BCL6: variants seen among roughly 807,000 people sequenced by gnomAD.
The protein encoded by BCL6 is BCL6 transcription repressor, also known as B-cell lymphoma 6 protein.
BCL6 carries 7 observed loss-of-function variants against 59.5 expected under a neutral mutation model. That is an observed-to-expected ratio of 0.12 (90% CI 0.07 to 0.22). The LOEUF is 0.22. BCL6 is among the 10% of genes least tolerant of loss of function. The pLI is 1.00. For synonymous variants in BCL6, 339 were observed against 349.7 expected, an observed-to-expected ratio of 0.97 and a Z score of 0.34; for missense variants, 685 against 939.4, an observed-to-expected ratio of 0.73 and a Z score of 3.54.
chr3:187,741,580 G>T (rs1271353088), intron 1 of BCL6, among the ~76,000 whole-genome samples: 1 of 152,116 alleles, frequency 6.6e-6, no homozygotes, highest in Non-Finnish European at 1.5e-5. Context: ...GCCGTTCCTG[G>T]TTTCCACTGG....
At chr3:187,744,281 C>T (rs1324808961) in intron 1 of BCL6, among the ~76,000 whole-genome samples, 1 of 152,162 alleles carries the variant, frequency 6.6e-6, no homozygotes, top group African/African-American at 2.4e-5. Flanking sequence ...TGAGTCCCCC[C>T]GCACACTGAA....
At position 187,727,019 on chromosome 3, in the gene BCL6, C is replaced by A. The variant is rs1718740276; in HGVS notation, c.1541-121G>T. The A allele has an allele frequency of 3.6e-6, 4 of 1,125,002 alleles. No homozygotes were observed. The South Asian group carries it at 4.5e-5, about 13-fold the overall frequency. The allele number at this position is 1,125,002 out of a possible 1,614,324, so 69.7% of individuals were successfully genotyped here. ...CTGAACTCTCAGTCCCTCACTCACCCACCCGACATTCATGGGAGCTCGGAG... is the reference window on the plus strand; with the variant it reads ...CTGAACTCTCAGTCCCTCACTCACCAACCCGACATTCATGGGAGCTCGGAG... On this transcript the variant is annotated intron_variant, in intron 6 of 9. Transcript: ENST00000406870.
intron 1 of BCL6, among the ~76,000 whole-genome samples, chr3:187,744,261 C>A (rs1711761322): frequency 6.6e-6 from 1 of 152,150 alleles, no homozygotes; most frequent in Non-Finnish European, 1.5e-5. Context: ...GCTGTCCTGT[C>A]GAGGTTCCCT....
chr3:187,740,059 G>C (rs1242915091), intron 1 of BCL6, among the ~76,000 whole-genome samples: 1 of 152,178 alleles, frequency 6.6e-6, no homozygotes, highest in Non-Finnish European at 1.5e-5. Flanking sequence ...CCGCCGACCC[G>C]GGCGGGGGCG....
chr3:187,743,786 A>T (rs1711718647), intron 1 of BCL6, among the ~76,000 whole-genome samples: 1 of 119,406 alleles, frequency 8.4e-6, no homozygotes, highest in Admixed American at 1.1e-4. Flanking sequence ...CTCCAACTCT[A>T]CCCACTCCCT....
At chr3:187,730,165 T>C in intron 4 of BCL6, 144 bp from the exon 5 acceptor site, 1 of 1,187,232 alleles carries the variant, frequency 8.4e-7, no homozygotes, top group East Asian at 2.7e-5. Flanking sequence ...GAACCACAAT[T>C]ACAACGCATT....
chr3:187,741,772 C>G (rs928582642), intron 1 of BCL6, among the ~76,000 whole-genome samples: 1 of 152,230 alleles, frequency 6.6e-6, no homozygotes. Flanking sequence ...CCTCAACACA[C>G]CCCCTACACA....
chr3:187,741,583 T>A (rs1711594620), intron 1 of BCL6, among the ~76,000 whole-genome samples: 2 of 152,162 alleles, frequency 1.3e-5, no homozygotes, highest in Admixed American at 1.3e-4. Context: ...GTTCCTGGTT[T>A]CCACTGGGGC....
intron 4 of BCL6, among the ~76,000 whole-genome samples, chr3:187,731,193 G>A (rs1023153163): frequency 2.6e-5 from 4 of 152,102 alleles, no homozygotes; most frequent in Non-Finnish European, 2.9e-5. Flanking sequence ...TAGGAGCAGC[G>A]TGACATAAAA....
chr3:187,734,392 T>C (rs1719190041), intron 2 of BCL6: 1 of 152,880 alleles, frequency 6.5e-6, no homozygotes. Flanking sequence ...TTGCTAGCTG[T>C]GGGACTTTAA....
At chr3:187,744,854 C>CAGCCGCACGAATCCAGAGAGATCACA (rs1711831863) in intron 1 of BCL6, among the ~76,000 whole-genome samples, 1 of 152,150 alleles carries the variant, frequency 6.6e-6, no homozygotes, top group Admixed American at 6.5e-5. Flanking sequence ...GGAAAAAACA[C>CAGCCGCACGAATCCAGAGAGATCACA]AGCCGCACGA....
At position 187,729,318 on chromosome 3, in the gene BCL6, G is replaced by C. The variant is rs755757577; in HGVS notation, c.1087C>G (p.Pro363Ala). 1.9e-6 allele frequency: 3 copies of C among 1,613,988 alleles called. No individual in the cohort carries two copies. Among genetic ancestry groups the C allele is most frequent in the Non-Finnish European group, 1.7e-6 (2 of 1,180,042 alleles). The part of the protein sequence containing the change: ...ACILQASGSP[P>A]AKSPTDPKAC... The stretch of plus-strand genomic sequence containing the variant: ...TTGGGGTCAGTGGGGCTCTTGGCTG[G>C]AGGGGAGCCAGAAGCCTGGAGGATG... Residue 363 changes from proline (P) to alanine (A), a missense_variant, in exon 5 of 10, where the codon CCA (proline) becomes GCA (alanine). Pro to Ala is a conservative substitution (Grantham distance 27, BLOSUM62 -1). Coordinates refer to ENST00000406870, the MANE Select transcript of BCL6 (RefSeq NM_001706.5). This position sits in a 1 kb window ranked among gnomAD's most constrained non-coding sequence, Gnocchi z 5.6.
chr3:187,744,769 A>G (rs1711818214), intron 1 of BCL6, among the ~76,000 whole-genome samples: 1 of 152,108 alleles, frequency 6.6e-6, no homozygotes, highest in Admixed American at 6.6e-5. Flanking sequence ...AGAAGAGGCG[A>G]GGAAAAAGAG....
chr3:187,744,831 A>G (rs192908321), intron 1 of BCL6, among the ~76,000 whole-genome samples: 3 of 152,254 alleles, frequency 2.0e-5, no homozygotes, highest in East Asian at 1.9e-4. Flanking sequence ...GCAGTTTGCA[A>G]GCGAGAAAAG....
chr3:187,734,450 G>A (rs1719192596), intron 2 of BCL6: 1 of 152,492 alleles, frequency 6.6e-6, no homozygotes, highest in Non-Finnish European at 1.5e-5. Flanking sequence ...AATGGAAGTA[G>A]TAATACCTAT....
chr3:187,743,041 T>G (rs1211345612), intron 1 of BCL6, among the ~76,000 whole-genome samples: 1 of 151,602 alleles, frequency 6.6e-6, no homozygotes, highest in Non-Finnish European at 1.5e-5. Flanking sequence ...TTTAAGTTAT[T>G]TATTAAAACC....
rs1718664912 is a variant in BCL6 at position 187,725,849 on chromosome 3, A to G, written c.1709-220T>C. On this transcript the variant is annotated intron_variant, in intron 7 of 9. Coordinates refer to ENST00000406870, the MANE Select transcript of BCL6 (RefSeq NM_001706.5). The surrounding 1 kb of genome is among the most constrained non-coding windows in gnomAD (Gnocchi z 4.7). ...CATACCTCGCAGGGGACCAGGGCCAAGAAACAAGTGGTGGCACGGAGTAGC... is the reference window on the plus strand; with the variant it reads ...CATACCTCGCAGGGGACCAGGGCCAGGAAACAAGTGGTGGCACGGAGTAGC... Among the ~76,000 whole-genome samples the G allele has an allele frequency of 1.3e-5, 2 of 152,194 alleles. No individual in the cohort carries two copies. The highest frequency in any genetic ancestry group is 6.5e-5 in the Admixed American group (1 of 15,280).
intron 1 of BCL6, among the ~76,000 whole-genome samples, chr3:187,738,183 CAT>C (rs1719380027): frequency 1.3e-5 from 2 of 152,186 alleles, no homozygotes; most frequent in Admixed American, 1.3e-4. Context: ...ATCCGAGGCT[CAT>C]ATCGAGACTT....
At chr3:187,726,608 TG>T in intron 7 of BCL6, 122 bp downstream of exon 7, 1 of 1,384,658 alleles carries the variant, frequency 7.2e-7, no homozygotes, top group Non-Finnish European at 9.9e-7. Context: ...CAGGCCAGGA[TG>T]GGGCCTGCCT....
Sources: gnomAD v4.1 joint callset for allele counts (sites outside exome capture counted in the v4.1 genomes callset) on GRCh38, gnomAD v4.1.1 for gene constraint, Gnocchi (gnomAD v3.1) non-coding constraint, MANE v1.5 for transcripts, NCBI Gene and HGNC (gene_info 2026-07-23, HGNC 2026-07-21) for gene names.